Variants in OR2Z1 observed in about 807,000 individuals in gnomAD.
OR2Z1 encodes the protein olfactory receptor family 2 subfamily Z member 1, also known as olfactory receptor 2Z1.
For synonymous variants in OR2Z1, 188 were observed against 160.6 expected (o/e 1.17, Z -1.29); for missense variants, 449 against 401.8 (o/e 1.12, Z -1.00).
At position 8,731,701 on chromosome 19, in the gene OR2Z1, G is replaced by A. The variant is rs1195103375; in HGVS notation, c.673G>A (p.Val225Ile). The A allele has an allele frequency of 6.2e-7, 1 of 1,614,038 alleles. No individual in the cohort carries two copies. The highest frequency in any genetic ancestry group is 2.2e-5 in the East Asian group (1 of 44,892). ...CTCCTACGGCCACGTGTTGCAGGCTGTTCTAAGCATGCGCTCAGAGGAGGC... is the reference window on the plus strand; with the variant it reads ...CTCCTACGGCCACGTGTTGCAGGCTATTCTAAGCATGCGCTCAGAGGAGGC... ...ATSYGHVLQA[V>I]LSMRSEEARH... Residue 225 changes from valine to isoleucine, a missense_variant, in exon 3 of 3, where the codon GTT (valine) becomes ATT (isoleucine). Val to Ile is a conservative substitution (Grantham distance 29). Coordinates refer to ENST00000641125, the MANE Select transcript of OR2Z1 (RefSeq NM_001004699.3).
chr19:8,726,200 C>G lies in OR2Z1; in HGVS notation c.-170+3050C>G, dbSNP rs139666890. Among the ~76,000 whole-genome samples the G allele has an allele frequency of 2.0e-5, 3 of 152,226 alleles. No homozygotes were observed. The South Asian group carries it at 6.2e-4, about 32-fold the overall frequency. The stretch of plus-strand genomic sequence containing the variant: ...CAGGCTGGTTGCAAACTCCTGACCT[C>G]GTGATCGGCCCGCCTTGGCCTCCCA... On this transcript the variant is annotated intron_variant, in intron 2 of 2. Coordinates refer to ENST00000641125, the MANE Select transcript of OR2Z1 (RefSeq NM_001004699.3).
At position 8,731,297 on chromosome 19, in the gene OR2Z1, G is replaced by A; in HGVS notation, c.269G>A (p.Gly90Asp). The change falls in exon 3 of 3, where the codon GGT becomes GAT. Residue 90 changes from glycine to aspartate, a missense_variant. Coordinates refer to ENST00000641125, the MANE Select transcript of OR2Z1 (RefSeq NM_001004699.3). ...KMASDFLRGE[G>D]ATSYGGGAAQ... Reference sequence around the variant, plus strand: ...GCATCAGACTTTCTGCGGGGAGAAGGTGCCACCTCCTATGGAGGTGGTGCA... The same window carrying A: ...GCATCAGACTTTCTGCGGGGAGAAGATGCCACCTCCTATGGAGGTGGTGCA... 2 of 1,614,150 alleles carry A rather than the reference G, an allele frequency of 1.2e-6. No individual in the cohort carries two copies. Among genetic ancestry groups the A allele is most frequent in the Non-Finnish European group, 1.7e-6 (2 of 1,180,022 alleles).
chr19:8,729,017 C>T, intron 2 of OR2Z1: 1 of 892,760 alleles, frequency 1.1e-6, no homozygotes, highest in Admixed American at 1.8e-5. Context: ...TGGGGGTGCT[C>T]TTTCGAGGAT....
At position 8,731,820 on chromosome 19, in the gene OR2Z1, C is replaced by T; in HGVS notation, c.792C>T (p.Ala264=). 1 of 1,614,238 alleles carries T rather than the reference C, an allele frequency of 6.2e-7. No homozygotes were observed. Among genetic ancestry groups the T allele is most frequent in the Non-Finnish European group, 8.5e-7 (1 of 1,180,048 alleles). ...AAVFMYMVPC[A]YHSPQQDNVV... ...TGTTCATGTACATGGTGCCTTGCGC[C>T]TACCACAGTCCACAGCAGGATAACG... is the stretch of plus-strand genomic sequence containing the variant. Residue 264 remains alanine, a synonymous_variant, in exon 3 of 3, where the codon GCC becomes GCT. Coordinates refer to ENST00000641125, the MANE Select transcript of OR2Z1 (RefSeq NM_001004699.3).
chr19:8,731,828 G>C lies in OR2Z1; in HGVS notation c.800G>C (p.Ser267Thr), dbSNP rs367669622. ...FMYMVPCAYH[S>T]PQQDNVVSLF... ...TACATGGTGCCTTGCGCCTACCACA[G>C]TCCACAGCAGGATAACGTGGTTTCC... Residue 267 changes from serine to threonine, a missense_variant, in exon 3 of 3, where the codon AGT (serine) becomes ACT (threonine). Ser to Thr is a moderately conservative substitution (Grantham distance 58). Transcript: ENST00000641125. 6.1e-5 allele frequency: 99 copies of C among 1,614,070 alleles called. 1 individual carries two copies. In the Admixed American group the frequency reaches 1.6e-3, roughly 27 times the overall value.
At chr19:8,726,356 C>T (rs1555756186) in intron 2 of OR2Z1, among the ~76,000 whole-genome samples, 1 of 152,172 alleles carries the variant, frequency 6.6e-6, no homozygotes. Context: ...TGAGAAGCCA[C>T]CTCCATGATC....
chr19:8,731,158 G>T lies in OR2Z1; in HGVS notation c.130G>T (p.Val44Phe), dbSNP rs782195243. 1 of 1,614,014 alleles carries T rather than the reference G, an allele frequency of 6.2e-7. No homozygotes were observed. The highest frequency in any genetic ancestry group is 8.5e-7 in the Non-Finnish European group (1 of 1,180,018). ...TGTCATAGGCCTTCTGGGCAACACC[G>T]TTCTTCTCTTCTTGATCCGTGTGGA... is the stretch of plus-strand genomic sequence containing the variant. ...MFVIGLLGNT[V>F]LLFLIRVDSR... The change falls in exon 3 of 3, where the codon GTT becomes TTT. Residue 44 changes from valine (V) to phenylalanine (F), a missense_variant. Physicochemically the swap from Val to Phe is conservative, Grantham distance 50. Coordinates refer to ENST00000641125, the MANE Select transcript of OR2Z1 (RefSeq NM_001004699.3).
At chr19:8,724,012 ATG>A (rs1193036467) in intron 2 of OR2Z1, among the ~76,000 whole-genome samples, 118 of 75,942 alleles carry the variant, frequency 1.6e-3, no homozygotes, top group African/African-American at 2.1e-3. Context: ...GTGTGTGTGT[ATG>A]TGTGTGTGTG....
intron 2 of OR2Z1, chr19:8,729,037 GCC>G: frequency 9.5e-7 from 1 of 1,047,280 alleles, no homozygotes. Context: ...TATTTGGGCT[GCC>G]TCCGGAGTCA....
intron 2 of OR2Z1, chr19:8,729,149 A>G: frequency 8.1e-7 from 1 of 1,236,072 alleles, no homozygotes; most frequent in Non-Finnish European, 1.2e-6. Context: ...TAAAGCCTTC[A>G]CTTTGGCTTC....
chr19:8,728,102 T>C (rs1328629198), intron 2 of OR2Z1, among the ~76,000 whole-genome samples: 1 of 152,246 alleles, frequency 6.6e-6, no homozygotes, highest in Non-Finnish European at 1.5e-5. Context: ...TCCTCTTTGC[T>C]TTTTCTTTTC....
chr19:8,729,582 T>A (rs949863262), intron 2 of OR2Z1, among the ~76,000 whole-genome samples: 1 of 151,364 alleles, frequency 6.6e-6, no homozygotes, highest in Admixed American at 6.6e-5. Flanking sequence ...AACTTTAAAT[T>A]TTTTGTAGAG....
At chr19:8,726,781 G>A (rs1169009722) in intron 2 of OR2Z1, among the ~76,000 whole-genome samples, 2 of 152,170 alleles carry the variant, frequency 1.3e-5, no homozygotes, top group Admixed American at 6.5e-5. Context: ...AGACAGCCTT[G>A]CAGGCCATCA....
At position 8,724,345 on chromosome 19, in the gene OR2Z1, C is replaced by T. The variant is rs1270973745; in HGVS notation, c.-170+1195C>T. On this transcript the variant is annotated intron_variant, in intron 2 of 2. Transcript: ENST00000641125. ...CCACCTCCTGGGCTCAAGTGAGCCT[C>T]CCACCTTAGCCTCCCAAGTAGCCGG... Among the ~76,000 whole-genome samples the T allele has an allele frequency of 2.0e-5, 3 of 152,062 alleles. No homozygotes were observed. In the East Asian group the frequency reaches 5.8e-4, roughly 29 times the overall value.
At position 8,731,649 on chromosome 19, in the gene OR2Z1, A is replaced by T; in HGVS notation, c.621A>T (p.Leu207=). ...MALSTSGVLI[L]MLPLSLIATS... ...TGTCCACCTCAGGGGTGCTGATCCT[A>T]ATGCTCCCTCTTTCCCTCATCGCCA... Residue 207 remains leucine, a synonymous_variant, in exon 3 of 3, where the codon CTA becomes CTT. Transcript: ENST00000641125. 6.2e-7 allele frequency: 1 copy of T among 1,613,602 alleles called. No homozygotes were observed. The highest frequency in any genetic ancestry group is 8.5e-7 in the Non-Finnish European group (1 of 1,179,928).
At chr19:8,727,057 T>C (rs2043330457) in intron 2 of OR2Z1, among the ~76,000 whole-genome samples, 1 of 152,174 alleles carries the variant, frequency 6.6e-6, no homozygotes, top group African/African-American at 2.4e-5. Context: ...TCCTCTTGCC[T>C]CAGTCTCCCA....
In OR2Z1 at chr19:8,731,188, C is replaced by T. The variant is rs201846977; in HGVS notation, c.160C>T (p.Arg54Trp). The T allele has an allele frequency of 2.7e-4, 430 of 1,613,816 alleles. No individual in the cohort carries two copies. Among genetic ancestry groups the T allele is most frequent in the Non-Finnish European group, 3.3e-4 (384 of 1,179,980 alleles). The change falls in exon 3 of 3, where the codon CGG becomes TGG. Residue 54 changes from arginine to tryptophan, a missense_variant. Coordinates refer to ENST00000641125, the MANE Select transcript of OR2Z1 (RefSeq NM_001004699.3). ...TCTCTTCTTGATCCGTGTGGACTCCCGGCTCCACACACCCATGTACTTCCT... is the reference window on the plus strand; with the variant it reads ...TCTCTTCTTGATCCGTGTGGACTCCTGGCTCCACACACCCATGTACTTCCT... Reference protein sequence around the residue: ...VLLFLIRVDSRLHTPMYFLLS... With the variant: ...VLLFLIRVDSWLHTPMYFLLS...
chr19:8,729,739 T>C (rs1378181008), intron 2 of OR2Z1, among the ~76,000 whole-genome samples: 1 of 152,114 alleles, frequency 6.6e-6, no homozygotes, highest in Non-Finnish European at 1.5e-5. Context: ...TACAGGCATA[T>C]GCCACCACGC....
At chr19:8,722,116 C>T (rs1291081402) in intron 1 of OR2Z1, 74 bp downstream of exon 1, 22 of 152,152 alleles carry the variant, frequency 1.4e-4, no homozygotes, top group African/African-American at 3.4e-4. Context: ...CCTTGCAGGA[C>T]GTATTCATTT....
Sources: allele counts gnomAD v4.1 joint callset (sites outside exome capture counted in the v4.1 genomes callset), GRCh38; gene constraint gnomAD v4.1.1; transcripts MANE v1.5; gene names NCBI Gene and HGNC (gene_info 2026-07-23, HGNC 2026-07-21).